The following USH2A variants were observed in gnomAD, a reference collection of about 807,000 sequenced individuals.
USH2A encodes the protein Usher syndrome 2A (autosomal recessive, mild).
USH2A carries 443 observed loss-of-function variants against 538.9 expected under a neutral mutation model. The ratio of observed to expected loss-of-function variants is 0.82; its 90% CI spans 0.76 to 0.89. The LOEUF is 0.89. Among genes scored for constraint, USH2A ranks in the 40% least tolerant of loss-of-function variants. The pLI is 0.00. For missense variants in USH2A, 6,633 were observed against 6,324.8 expected (o/e 1.05, Z -1.65); for synonymous variants, 2,413 against 2,273.5 (o/e 1.06, Z -1.75).
chr1:215,994,690 G>GA (rs1668093266), intron 34 of USH2A, among the ~76,000 whole-genome samples: 1 of 151,918 alleles, frequency 6.6e-6, no homozygotes, highest in Admixed American at 6.6e-5. Flanking sequence ...TTCTGTGCAA[G>GA]AAAAAAACCA....
At position 215,625,388 on chromosome 1, in the gene USH2A, C is replaced by CA. The variant is rs771079963; in HGVS notation, c.*392dup. 6.8e-5 allele frequency: 19 copies of CA among 279,166 alleles called. No individual in the cohort carries two copies. The East Asian group carries it at 1.7e-3, about 26-fold the overall frequency. The allele number at this position is 279,166 out of a possible 1,614,324, so 17.3% of individuals were successfully genotyped here. On this transcript the variant is annotated 3_prime_UTR_variant, in exon 72 of 72. Coordinates refer to ENST00000307340, the MANE Select transcript of USH2A (RefSeq NM_206933.4). ...GGCAGATAGAAATGAACAGCAGTGA[C>CA]ATCCTTTCAACAGAATCATTTTTGA...
At chr1:216,031,875 C>A (rs1379494831) in intron 32 of USH2A, among the ~76,000 whole-genome samples, 1 of 152,176 alleles carries the variant, frequency 6.6e-6, no homozygotes, top group East Asian at 1.9e-4. Flanking sequence ...GACTACGCAA[C>A]CATGGTCCTT....
intron 47 of USH2A, among the ~76,000 whole-genome samples, chr1:215,831,692 T>C (rs1663319051): frequency 6.6e-6 from 1 of 151,978 alleles, no homozygotes; most frequent in African/African-American, 2.4e-5. Context: ...TTTGTGAGCT[T>C]CATACCGAAG....
intron 37 of USH2A, among the ~76,000 whole-genome samples, chr1:215,960,309 G>A (rs1418652062): frequency 6.6e-6 from 1 of 151,940 alleles, no homozygotes; most frequent in Non-Finnish European, 1.5e-5. Flanking sequence ...CTACTACTAT[G>A]CTGTAAAGTT....
Position 215,624,486 on chromosome 1 carries a change from TC to T in USH2A, c.*1294del, listed in dbSNP as rs1208217624. 1 of 152,174 alleles carries T rather than the reference TC, an allele frequency of 6.6e-6. No individual in the cohort carries two copies. The highest frequency in any genetic ancestry group is 1.5e-5 in the Non-Finnish European group (1 of 68,026). The allele number at this position is 152,174 out of a possible 1,614,324, so 9.4% of individuals were successfully genotyped here. A position where few individuals can be genotyped will look rare whatever the true frequency, so the allele number is the denominator to read the frequency against. On this transcript the variant is annotated 3_prime_UTR_variant, in exon 72 of 72. Transcript: ENST00000307340. ...TGTGTGTTAGACAGAGTCAATATTTTCCTGGGGTCACAAAGACCTTTAAGGA... is the reference window on the plus strand; with the variant it reads ...TGTGTGTTAGACAGAGTCAATATTTTCTGGGGTCACAAAGACCTTTAAGGA...
At chr1:216,276,468 C>T (rs1372578193) in intron 11 of USH2A, among the ~76,000 whole-genome samples, 6 of 152,092 alleles carry the variant, frequency 3.9e-5, no homozygotes, top group African/African-American at 4.8e-5. Context: ...GCCTCATCAT[C>T]GGCTCTTTCT....
intron 71 of USH2A, 104 bp from the exon 72 acceptor site, chr1:215,625,974 A>G: frequency 8.6e-7 from 1 of 1,166,002 alleles, no homozygotes; most frequent in Non-Finnish European, 1.3e-6. Context: ...TAAGTATTAA[A>G]GGCTTTTTTA....
intron 11 of USH2A, among the ~76,000 whole-genome samples, chr1:216,271,995 G>A (rs1033283249): frequency 1.4e-4 from 22 of 152,030 alleles, no homozygotes; most frequent in Non-Finnish European, 2.8e-4. Context: ...TTAGGTTATG[G>A]GATTAAAGTT....
chr1:216,274,673 A>G (rs2036637253), intron 11 of USH2A, among the ~76,000 whole-genome samples: 1 of 152,084 alleles, frequency 6.6e-6, no homozygotes, highest in Admixed American at 6.6e-5. Context: ...ACATCATAAT[A>G]CTTGTTTCCA....
At chr1:215,887,104 G>A (rs975657579) in intron 41 of USH2A, among the ~76,000 whole-genome samples, 1 of 152,152 alleles carries the variant, frequency 6.6e-6, no homozygotes, top group Non-Finnish European at 1.5e-5. Flanking sequence ...TGATCTGCCT[G>A]CCTCGGCCTC....
chr1:216,196,005 T>C (rs1053388252), intron 19 of USH2A: 7 of 173,760 alleles, frequency 4.0e-5, no homozygotes, highest in African/African-American at 1.7e-4. Flanking sequence ...TCACTACTGC[T>C]AGCTGGGGGA....
chr1:216,325,305 C>G lies in USH2A; in HGVS notation c.1143G>C (p.Gln381His), dbSNP rs760918807. ...TGTACACCTTATCGTTTCTCATTAC[C>G]TGATACTGTCCATTTTCCAAATCAA... Reference protein sequence around the residue: ...ISVDLENGQYQVFYIIIQFFS... With the variant: ...ISVDLENGQYHVFYIIIQFFS... The change falls in exon 6 of 72, where the codon CAG becomes CAC. Residue 381 changes from glutamine (Q) to histidine (H), a missense_variant and splice_region_variant. Gln to His is a conservative substitution (Grantham distance 24, BLOSUM62 0). Coordinates refer to ENST00000307340, the MANE Select transcript of USH2A (RefSeq NM_206933.4). 1 of 1,613,524 alleles carries G rather than the reference C, an allele frequency of 6.2e-7. No individual in the cohort carries two copies. The highest frequency in any genetic ancestry group is 1.1e-5 in the South Asian group (1 of 90,944).
intron 21 of USH2A, among the ~76,000 whole-genome samples, chr1:216,113,861 T>C (rs1225348842): frequency 6.6e-6 from 1 of 151,812 alleles, no homozygotes; most frequent in Non-Finnish European, 1.5e-5. Flanking sequence ...TTTTCTGTAT[T>C]TTTATATTTA....
At chr1:215,696,428 TGA>T (rs1658813097) in intron 61 of USH2A, among the ~76,000 whole-genome samples, 1 of 152,206 alleles carries the variant, frequency 6.6e-6, no homozygotes, top group South Asian at 2.1e-4. Flanking sequence ...CTGTCAGAAC[TGA>T]GTTTCTCTCT....
At chr1:215,699,016 C>T (rs1040199932) in intron 61 of USH2A, among the ~76,000 whole-genome samples, 3 of 152,098 alleles carry the variant, frequency 2.0e-5, no homozygotes, top group African/African-American at 4.8e-5. Flanking sequence ...GAAAGGGGTC[C>T]AGTTTCAGTT....
At chr1:215,810,347 C>T (rs1164012046) in intron 49 of USH2A, among the ~76,000 whole-genome samples, 2 of 151,986 alleles carry the variant, frequency 1.3e-5, no homozygotes, top group Non-Finnish European at 2.9e-5. Flanking sequence ...TATTTTGAAA[C>T]CTAACAAAAG....
intron 32 of USH2A, among the ~76,000 whole-genome samples, chr1:216,009,143 C>G (rs917857619): frequency 1.3e-5 from 2 of 151,932 alleles, no homozygotes; most frequent in Non-Finnish European, 2.9e-5. Flanking sequence ...GTGCCCCAAT[C>G]CCTTATTTCC....
intron 58 of USH2A, among the ~76,000 whole-genome samples, chr1:215,750,046 A>G (rs1023186898): frequency 1.3e-5 from 2 of 152,214 alleles, no homozygotes; most frequent in African/African-American, 4.8e-5. Context: ...AAGTCAATCA[A>G]TAATCCTTTT....
intron 64 of USH2A, among the ~76,000 whole-genome samples, chr1:215,657,833 T>C (rs1172456058): frequency 6.6e-6 from 1 of 152,194 alleles, no homozygotes; most frequent in Non-Finnish European, 1.5e-5. Flanking sequence ...GCCTTGCTCT[T>C]TGGAGCCATT....
Sources: gnomAD v4.1 joint callset for allele counts (sites outside exome capture counted in the v4.1 genomes callset) on GRCh38, gnomAD v4.1.1 for gene constraint, MANE v1.5 for transcripts, NCBI Gene and HGNC (gene_info 2026-07-23, HGNC 2026-07-21) for gene names.